Variants in LYPD1 observed in about 807,000 individuals in gnomAD.
LYPD1 encodes the protein LY6/PLAUR domain containing 1.
A neutral mutation model predicts 14.2 loss-of-function variants in LYPD1; 14 were observed. The observed-to-expected ratio is 0.99, with a 90% CI of 0.65 to 1.54. LYPD1 has a LOEUF of 1.54. LYPD1 is among the 40% of genes most tolerant of loss of function. The pLI is 0.00. For missense variants in LYPD1, 165 were observed against 175.7 expected, an observed-to-expected ratio of 0.94 and a Z score of 0.34; for synonymous variants, 85 against 70.6, an observed-to-expected ratio of 1.20 and a Z score of -1.02.
chr2:132,655,991 G>A (rs149823908), intron 2 of LYPD1, among the ~76,000 whole-genome samples: 113 of 152,148 alleles, frequency 7.4e-4, no homozygotes, highest in African/African-American at 2.0e-3. Flanking sequence ...TACAACTTTC[G>A]GCAATCTCAG....
rs1272213811 is a variant in LYPD1, at chr2:132,645,344, A to C, written c.*701T>G. 10 of 1,614,104 alleles carry C rather than the reference A, an allele frequency of 6.2e-6. No homozygotes were observed. Among genetic ancestry groups the C allele is most frequent in the Non-Finnish European group, 8.5e-6 (10 of 1,180,038 alleles). Reference sequence around the variant, plus strand: ...CTGTGCTGCCGCCTGTCGCTGCAGCACGCCAACCACGAGAAGCGCCTGCGC... The same window carrying C: ...CTGTGCTGCCGCCTGTCGCTGCAGCCCGCCAACCACGAGAAGCGCCTGCGC... On this transcript the variant is annotated 3_prime_UTR_variant, in exon 3 of 3. Transcript: ENST00000397463.
Position 132,644,465 on chromosome 2 carries a change from G to A in LYPD1, c.*1580C>T, listed in dbSNP as rs1301781172. Among the ~76,000 whole-genome samples, 2 of 152,202 alleles carry A rather than the reference G, an allele frequency of 1.3e-5. No homozygotes were observed. The highest frequency in any genetic ancestry group is 2.9e-5 in the Non-Finnish European group (2 of 68,040). On this transcript the variant is annotated 3_prime_UTR_variant, in exon 3 of 3. Coordinates refer to ENST00000397463, the MANE Select transcript of LYPD1 (RefSeq NM_144586.7). ...AAAGTGTCTGAAAAGAAACACATAT[G>A]CTGTTGCAGATATGAGCATCATGAT...
chr2:132,652,842 A>C (rs1275865880), intron 2 of LYPD1, among the ~76,000 whole-genome samples: 1 of 152,046 alleles, frequency 6.6e-6, no homozygotes, highest in East Asian at 1.9e-4. Flanking sequence ...AAATACCACA[A>C]ATTGTTCTCC....
chr2:132,656,838 A>G (rs1682622495), intron 2 of LYPD1, among the ~76,000 whole-genome samples: 1 of 152,198 alleles, frequency 6.6e-6, no homozygotes, highest in South Asian at 2.1e-4. Context: ...AAAAAGGGAA[A>G]AAGAAAGGAA....
At chr2:132,647,738 G>A (rs1682181232) in intron 2 of LYPD1, among the ~76,000 whole-genome samples, 1 of 152,150 alleles carries the variant, frequency 6.6e-6, no homozygotes, top group African/African-American at 2.4e-5. Flanking sequence ...TTGCTGCCTT[G>A]CACAGCTGAG....
At chr2:132,665,590 A>G (rs1281047912) in intron 2 of LYPD1, among the ~76,000 whole-genome samples, 1 of 152,208 alleles carries the variant, frequency 6.6e-6, no homozygotes, top group African/African-American at 2.4e-5. Context: ...GTATTACAGC[A>G]AAGGTGTTGG....
chr2:132,653,060 C>T (rs1682416782), intron 2 of LYPD1, among the ~76,000 whole-genome samples: 1 of 152,204 alleles, frequency 6.6e-6, no homozygotes, highest in African/African-American at 2.4e-5. Flanking sequence ...AAGCCATGAT[C>T]CTCTCCTTTA....
chr2:132,645,467 T>G lies in LYPD1; in HGVS notation c.*578A>C. 6.2e-7 allele frequency: 1 copy of G among 1,613,960 alleles called. No homozygotes were observed. Among genetic ancestry groups the G allele is most frequent in the South Asian group, 1.1e-5 (1 of 91,074 alleles). ...TCCTCTGCAAGGAGAACTGAGAAGA[T>G]TTTCTTAAGCACTTTTCAGAGCGAG... On this transcript the variant is annotated 3_prime_UTR_variant, in exon 3 of 3. Transcript: ENST00000397463.
intron 2 of LYPD1, among the ~76,000 whole-genome samples, chr2:132,658,141 G>A (rs1487309894): frequency 1.3e-5 from 2 of 152,192 alleles, no homozygotes; most frequent in African/African-American, 4.8e-5. Flanking sequence ...TTGTGATCAA[G>A]AGGCAAGAAA....
At position 132,668,479 on chromosome 2, in the gene LYPD1, G is replaced by A. The variant is rs369268769; in HGVS notation, c.111C>T (p.Cys37=). The A allele has an allele frequency of 5.0e-5, 81 of 1,612,112 alleles. 1 individual carries two copies. The African/African-American group carries it at 7.3e-4, about 15-fold the overall frequency. Residue 37 remains cysteine (C), a synonymous_variant, in exon 2 of 3, where the codon TGC becomes TGT. Coordinates refer to ENST00000397463, the MANE Select transcript of LYPD1 (RefSeq NM_144586.7). ...QCEEFQLNND[C]SSPEFIVNCT... is the part of the protein sequence containing the mutation. ...AATTCACAATGAACTCGGGGGAGGA[G>A]CAGTCGTTGTTCAGCTGGAATTCTT...
In LYPD1 at chr2:132,644,588, T is replaced by C. The variant is rs2104884081; in HGVS notation, c.*1457A>G. On this transcript the variant is annotated 3_prime_UTR_variant, in exon 3 of 3. Coordinates refer to ENST00000397463, the MANE Select transcript of LYPD1 (RefSeq NM_144586.7). ...CCCCTGAAACTGAATGCAAAACCAG[T>C]GTCATTAAATATGCTGCTTTGTTGC... Among the ~76,000 whole-genome samples the C allele has an allele frequency of 6.6e-6, 1 of 152,334 alleles. No individual in the cohort carries two copies. The highest frequency in any genetic ancestry group is 1.9e-4 in the East Asian group (1 of 5,180).
At chr2:132,650,951 G>A (rs1682340870) in intron 2 of LYPD1, among the ~76,000 whole-genome samples, 3 of 152,118 alleles carry the variant, frequency 2.0e-5, no homozygotes, top group Admixed American at 2.0e-4. Flanking sequence ...AGGAGATCTG[G>A]ATTTATAATC....
At chr2:132,656,088 C>T (rs1210937123) in intron 2 of LYPD1, among the ~76,000 whole-genome samples, 1 of 152,176 alleles carries the variant, frequency 6.6e-6, no homozygotes. Context: ...TTCACTTTAA[C>T]CTCTGCCCCA....
At chr2:132,660,400 T>A (rs1682864319) in intron 2 of LYPD1, 5 of 152,234 alleles carry the variant, frequency 3.3e-5, no homozygotes, top group Admixed American at 3.3e-4. Context: ...CATCTCCTGC[T>A]TTGCTTTGTA....
rs978054043 is a variant in LYPD1, at chr2:132,644,903, G to A, written c.*1142C>T. The A allele has an allele frequency of 2.2e-5, 13 of 600,118 alleles. No homozygotes were observed. Among genetic ancestry groups the A allele is most frequent in the Non-Finnish European group, 3.5e-5 (12 of 347,330 alleles). The allele number at this position is 600,118 out of a possible 1,614,324, so 37.2% of individuals were successfully genotyped here. ...TTTCTTTAACACAGCCAACTCCCCC[G>A]GGTTTGAAACAGTGTTAAATTCTCT... is the stretch of plus-strand genomic sequence containing the variant. On this transcript the variant is annotated 3_prime_UTR_variant, in exon 3 of 3. Coordinates refer to ENST00000397463, the MANE Select transcript of LYPD1 (RefSeq NM_144586.7).
intron 2 of LYPD1, among the ~76,000 whole-genome samples, chr2:132,663,799 C>T (rs553246141): frequency 5.9e-5 from 9 of 152,056 alleles, no homozygotes; most frequent in South Asian, 2.1e-4. Flanking sequence ...AAATGGAGGA[C>T]GCTGGAAGAT....
intron 2 of LYPD1, among the ~76,000 whole-genome samples, chr2:132,653,141 A>T (rs1294605240): frequency 6.6e-6 from 1 of 152,186 alleles, no homozygotes; most frequent in African/African-American, 2.4e-5. Context: ...TCATGTCCAT[A>T]TTTCATTCTA....
At chr2:132,652,102 G>C (rs1238218929) in intron 2 of LYPD1, among the ~76,000 whole-genome samples, 3 of 152,218 alleles carry the variant, frequency 2.0e-5, no homozygotes, top group Non-Finnish European at 4.4e-5. Flanking sequence ...ACCAAGAACA[G>C]AGGGGGGACA....
At chr2:132,667,893 A>C (rs1326668671) in intron 2 of LYPD1, among the ~76,000 whole-genome samples, 1 of 152,222 alleles carries the variant, frequency 6.6e-6, no homozygotes, top group Non-Finnish European at 1.5e-5. Context: ...AGATCTTGGC[A>C]ATTTGTGCCT....
Sources: gnomAD v4.1 joint callset for allele counts (sites outside exome capture counted in the v4.1 genomes callset) on GRCh38, gnomAD v4.1.1 for gene constraint, MANE v1.5 for transcripts, NCBI Gene and HGNC (gene_info 2026-07-23, HGNC 2026-07-21) for gene names.